The following OTUD7A variants were observed in gnomAD, a reference collection of about 807,000 sequenced individuals.
The protein encoded by OTUD7A is OTU deubiquitinase 7A, also known as OTU domain-containing protein 7A.
OTUD7A carries 12 observed loss-of-function variants against 65.7 expected under a neutral mutation model. That is an observed-to-expected ratio of 0.18 (90% CI 0.12 to 0.30). OTUD7A has a LOEUF of 0.30. OTUD7A is among the 10% of genes least tolerant of loss of function. The pLI, the probability that OTUD7A is intolerant of heterozygous loss-of-function variation, is 1.00. For synonymous variants in OTUD7A, 641 were observed against 586.3 expected (o/e 1.09, Z -1.35); for missense variants, 1,148 against 1,304.8 (o/e 0.88, Z 1.85).
At chr15:31,840,499 A>C (rs576050484) in intron 1 of OTUD7A, among the ~76,000 whole-genome samples, 2 of 152,304 alleles carry the variant, frequency 1.3e-5, no homozygotes, top group African/African-American at 4.8e-5. Flanking sequence ...TCACTCTCTA[A>C]ATGATAGTAG....
chr15:31,805,474 A>G (rs1249546295), intron 1 of OTUD7A, among the ~76,000 whole-genome samples: 1 of 152,056 alleles, frequency 6.6e-6, no homozygotes, highest in Non-Finnish European at 1.5e-5. Context: ...TCTTCTATCC[A>G]CCCCAAAAGA....
chr15:31,548,220 CT>C (rs778229505), intron 5 of OTUD7A, among the ~76,000 whole-genome samples: 49 of 68,180 alleles, frequency 7.2e-4, no homozygotes, highest in South Asian at 5.8e-3. Context: ...TGTGGGCGCC[CT>C]GGGCCACCCC....
chr15:31,506,921 C>T (rs1158013041), intron 8 of OTUD7A, among the ~76,000 whole-genome samples: 1 of 152,042 alleles, frequency 6.6e-6, no homozygotes, highest in African/African-American at 2.4e-5. Context: ...ATGAGGTGAC[C>T]ATTTAAGTGG....
chr15:31,693,270 G>C (rs1892999624), intron 1 of OTUD7A, among the ~76,000 whole-genome samples: 1 of 152,240 alleles, frequency 6.6e-6, no homozygotes, highest in South Asian at 2.1e-4. Flanking sequence ...CTAAGATACT[G>C]TAAGTCCAAA....
chr15:31,678,373 G>A (rs1310319378), intron 1 of OTUD7A, among the ~76,000 whole-genome samples: 5 of 152,174 alleles, frequency 3.3e-5, no homozygotes, highest in Non-Finnish European at 2.9e-5. Flanking sequence ...AAGTAATGAG[G>A]AGCCAAATGT....
intron 1 of OTUD7A, among the ~76,000 whole-genome samples, chr15:31,834,112 T>A (rs1292583475): frequency 6.6e-6 from 1 of 152,256 alleles, no homozygotes; most frequent in South Asian, 2.1e-4. Context: ...GGCAGAGTCA[T>A]AATTTGAATG....
chr15:31,597,629 C>T (rs11071202), intron 3 of OTUD7A, among the ~76,000 whole-genome samples: 35,372 of 151,968 alleles, frequency 0.23, 5,203 homozygotes, highest in East Asian at 0.65. Flanking sequence ...TACCCAATCA[C>T]TTTAGCTGGA....
intron 12 of OTUD7A, among the ~76,000 whole-genome samples, chr15:31,486,682 T>C (rs2041242071): frequency 6.6e-6 from 1 of 152,196 alleles, no homozygotes. Context: ...CACCCACCAG[T>C]GTGCTGCCTC....
chr15:31,624,163 A>T (rs1566948788), intron 3 of OTUD7A, among the ~76,000 whole-genome samples: 1 of 152,274 alleles, frequency 6.6e-6, no homozygotes, highest in Non-Finnish European at 1.5e-5. Flanking sequence ...GGAACTGAGC[A>T]CATGGGCATG....
At position 31,550,103 on chromosome 15, in the gene OTUD7A, G is replaced by GAAA. The variant is rs11413883; in HGVS notation, c.550+8863_550+8865dup. 7.6e-3 allele frequency among the ~76,000 whole-genome samples: 970 copies of GAAA among 127,174 alleles called. 11 individuals carry two copies. Among genetic ancestry groups the GAAA allele is most frequent in the Admixed American group, 0.01 (130 of 12,572 alleles). The allele number at this position is 127,174 out of a possible 152,430, so 83.4% of individuals were successfully genotyped here. On this transcript the variant is annotated intron_variant, in intron 5 of 12. Transcript: ENST00000307050. ...CAACAGAGGGAGACCCTGTCTCCAGGAAAAAAAAAAAAAAAAGAATGTGCT... is the reference window on the plus strand; with the variant it reads ...CAACAGAGGGAGACCCTGTCTCCAGGAAAAAAAAAAAAAAAAAAAGAATGTGCT...
intron 1 of OTUD7A, among the ~76,000 whole-genome samples, chr15:31,745,553 A>T (rs935485705): frequency 1.3e-5 from 2 of 152,174 alleles, no homozygotes; most frequent in African/African-American, 4.8e-5. Flanking sequence ...ATGGGTCACA[A>T]AACTAAACAT....
chr15:31,840,297 G>A (rs1423086870), intron 1 of OTUD7A, among the ~76,000 whole-genome samples: 2 of 151,956 alleles, frequency 1.3e-5, no homozygotes, highest in Non-Finnish European at 2.9e-5. Context: ...AATTAGCTGG[G>A]TATGGTGGCG....
At chr15:31,853,622 T>C (rs576130400) in intron 1 of OTUD7A, among the ~76,000 whole-genome samples, 2 of 151,860 alleles carry the variant, frequency 1.3e-5, no homozygotes, top group South Asian at 4.1e-4. Flanking sequence ...CCTCAGCCTG[T>C]GGACTCGGCC....
Position 31,708,330 on chromosome 15 carries a change from C to A in OTUD7A, c.-99-51253G>T, listed in dbSNP as rs536882772. Among the ~76,000 whole-genome samples, 721 of 151,966 alleles carry A rather than the reference C, an allele frequency of 4.7e-3. 1 individual carries two copies. Among genetic ancestry groups the A allele is most frequent in the African/African-American group, 0.017 (693 of 41,420 alleles). ...AGCAGATTTAAAAAGTTAAATTGCA[C>A]ATGCCCTTTGCATCACAGTGTTAGG... is the stretch of plus-strand genomic sequence containing the variant. On this transcript the variant is annotated intron_variant, in intron 1 of 12. Coordinates refer to ENST00000307050, the MANE Select transcript of OTUD7A (RefSeq NM_001382637.1).
At chr15:31,751,268 C>T (rs1294600486) in intron 1 of OTUD7A, among the ~76,000 whole-genome samples, 2 of 151,956 alleles carry the variant, frequency 1.3e-5, no homozygotes, top group Non-Finnish European at 2.9e-5. Flanking sequence ...CATAAAGAGA[C>T]ACTTCTCAAA....
At chr15:31,786,751 G>A (rs1460414908) in intron 1 of OTUD7A, among the ~76,000 whole-genome samples, 5 of 152,160 alleles carry the variant, frequency 3.3e-5, no homozygotes, top group Admixed American at 6.5e-5. Flanking sequence ...AAAGGGAGGT[G>A]TAAGCAGGTC....
At chr15:31,805,848 C>T (rs1217868037) in intron 1 of OTUD7A, among the ~76,000 whole-genome samples, 1 of 152,146 alleles carries the variant, frequency 6.6e-6, no homozygotes, top group Non-Finnish European at 1.5e-5. Context: ...TCAATTAACA[C>T]AAACCAATTA....
intron 8 of OTUD7A, among the ~76,000 whole-genome samples, chr15:31,521,905 T>G (rs2041942988): frequency 6.6e-6 from 1 of 152,198 alleles, no homozygotes; most frequent in Admixed American, 6.5e-5. Context: ...AGCTTCCACT[T>G]AGCCCTTCTC....
At chr15:31,795,972 GA>G (rs537919116) in intron 1 of OTUD7A, among the ~76,000 whole-genome samples, 133 of 152,304 alleles carry the variant, frequency 8.7e-4, no homozygotes, top group African/African-American at 3.1e-3. Flanking sequence ...TTCATCTCCT[GA>G]AATGTTCATG....
Sources: allele counts gnomAD v4.1 joint callset (sites outside exome capture counted in the v4.1 genomes callset), GRCh38; gene constraint gnomAD v4.1.1; transcripts MANE v1.5; gene names NCBI Gene and HGNC (gene_info 2026-07-23, HGNC 2026-07-21).